Variants in ADAMTSL3 observed in about 807,000 individuals in gnomAD.
The protein encoded by ADAMTSL3 is ADAMTS-like protein 3.
In ADAMTSL3, 128 loss-of-function variants were observed where a neutral mutation model predicts 201.7. The ratio of observed to expected loss-of-function variants is 0.63; its 90% CI spans 0.55 to 0.73. The LOEUF (loss-of-function observed/expected upper bound fraction) is 0.73, where lower values mean the gene tolerates loss of function less well. Among genes scored for constraint, ADAMTSL3 ranks in the 30% least tolerant of loss-of-function variants. ADAMTSL3 has a pLI of 0.00. For synonymous variants in ADAMTSL3, 738 were observed against 748.4 expected (o/e 0.99, Z 0.23); for missense variants, 1,990 against 2,119.6 (o/e 0.94, Z 1.20).
intron 3 of ADAMTSL3, among the ~76,000 whole-genome samples, chr15:83,770,956 A>G (rs1325456100): frequency 6.6e-6 from 1 of 152,096 alleles, no homozygotes; most frequent in African/African-American, 2.4e-5. Context: ...AGTCCCAGCT[A>G]CTCAGGAGGC....
chr15:83,727,804 C>T (rs532671208), intron 3 of ADAMTSL3, among the ~76,000 whole-genome samples: 9 of 151,872 alleles, frequency 5.9e-5, no homozygotes, highest in East Asian at 3.9e-4. Flanking sequence ...TCCTTGAGAA[C>T]GAGCCATGTG....
intron 14 of ADAMTSL3, 99 bp from the exon 15 acceptor site, chr15:83,899,548 C>G: frequency 8.4e-7 from 1 of 1,193,392 alleles, no homozygotes. Context: ...AAAAACATGA[C>G]CTCTTTATAA....
intron 6 of ADAMTSL3, among the ~76,000 whole-genome samples, chr15:83,823,068 G>A (rs2063920453): frequency 1.3e-5 from 2 of 151,894 alleles, no homozygotes; most frequent in African/African-American, 2.4e-5. Context: ...GGCGGCGCGC[G>A]CCTGCAAATT....
intron 17 of ADAMTSL3, among the ~76,000 whole-genome samples, chr15:83,926,780 T>A (rs1010806541): frequency 6.6e-6 from 1 of 152,072 alleles, no homozygotes; most frequent in African/African-American, 2.4e-5. Context: ...CATGCCCAGA[T>A]AATTTTTTGT....
intron 4 of ADAMTSL3, among the ~76,000 whole-genome samples, chr15:83,796,834 C>T (rs974488409): frequency 5.3e-5 from 8 of 152,034 alleles, no homozygotes; most frequent in African/African-American, 1.9e-4. Context: ...ATACATGGTG[C>T]TCAGATATGA....
chr15:83,713,982 CG>C (rs1256152360), intron 3 of ADAMTSL3, among the ~76,000 whole-genome samples: 2 of 152,114 alleles, frequency 1.3e-5, no homozygotes, highest in African/African-American at 4.8e-5. Flanking sequence ...GGAGCTGAGA[CG>C]TGTTGAGGGC....
chr15:83,811,671 A>G (rs1050361983), intron 5 of ADAMTSL3, among the ~76,000 whole-genome samples: 2 of 152,172 alleles, frequency 1.3e-5, no homozygotes, highest in African/African-American at 2.4e-5. Flanking sequence ...AAATGTTTCT[A>G]GGTTGGTAAG....
intron 12 of ADAMTSL3, 105 bp downstream of exon 12, chr15:83,891,484 CT>C: frequency 1.1e-6 from 1 of 927,482 alleles, no homozygotes; most frequent in Non-Finnish European, 1.7e-6. Context: ...ATATTAAATA[CT>C]TTATAGAGCT....
intron 22 of ADAMTSL3, among the ~76,000 whole-genome samples, chr15:83,990,876 A>G (rs539258814): frequency 2.7e-4 from 41 of 152,180 alleles, no homozygotes; most frequent in African/African-American, 9.6e-4. Flanking sequence ...TCATCGAACC[A>G]TCTATCCATT....
rs115416839 is a variant in ADAMTSL3, at chr15:83,999,037, C to A, written c.3973+7823C>A. On this transcript the variant is annotated intron_variant, in intron 23 of 29. Transcript: ENST00000286744. ...TCTTGTCTCATAAAAAGTAACACAT[C>A]TCATTATAAAATATTTGGAAAGCAT... is the stretch of plus-strand genomic sequence containing the variant. Among the ~76,000 whole-genome samples, 693 of 152,288 alleles carry A rather than the reference C, an allele frequency of 4.6e-3. 5 individuals are homozygous for A. Among genetic ancestry groups the A allele is most frequent in the African/African-American group, 0.015 (637 of 41,562 alleles).
chr15:84,023,905 A>G (rs1249578563), intron 26 of ADAMTSL3, among the ~76,000 whole-genome samples: 1 of 152,216 alleles, frequency 6.6e-6, no homozygotes, highest in African/African-American at 2.4e-5. Context: ...AATAAAATAC[A>G]TTTGATTACA....
chr15:83,710,959 A>C (rs1006756971), intron 3 of ADAMTSL3, among the ~76,000 whole-genome samples: 1 of 152,220 alleles, frequency 6.6e-6, no homozygotes, highest in Admixed American at 6.5e-5. Flanking sequence ...ACATTTTTAC[A>C]TCTAATCTGT....
chr15:83,847,247 TC>T (rs1420801597), intron 7 of ADAMTSL3, among the ~76,000 whole-genome samples: 2 of 152,200 alleles, frequency 1.3e-5, no homozygotes, highest in Non-Finnish European at 2.9e-5. Flanking sequence ...GCTGTTAATT[TC>T]CTACATTTGC....
chr15:83,681,651 G>T lies in ADAMTSL3; in HGVS notation c.70-22738G>T, dbSNP rs141729715. 2.3e-3 allele frequency among the ~76,000 whole-genome samples: 356 copies of T among 152,260 alleles called. 1 individual carries two copies. The highest frequency in any genetic ancestry group is 4.4e-3 in the Non-Finnish European group (301 of 68,006). Reference sequence around the variant, plus strand: ...AATAGTTTGAATAGCACTCTAAAAGGGCTGGCTGTGGAAGCTGGGGTCATG... The same window carrying T: ...AATAGTTTGAATAGCACTCTAAAAGTGCTGGCTGTGGAAGCTGGGGTCATG... On this transcript the variant is annotated intron_variant, in intron 2 of 29. Transcript: ENST00000286744.
intron 2 of ADAMTSL3, among the ~76,000 whole-genome samples, chr15:83,698,168 G>C (rs1285590279): frequency 6.6e-6 from 1 of 152,102 alleles, no homozygotes; most frequent in African/African-American, 2.4e-5. Context: ...TTAGTCAGAG[G>C]CCACATATAT....
intron 2 of ADAMTSL3, among the ~76,000 whole-genome samples, chr15:83,668,437 A>C (rs1458302575): frequency 1.3e-5 from 2 of 150,276 alleles, no homozygotes; most frequent in African/African-American, 4.9e-5. Flanking sequence ...TTTCTTCCTT[A>C]TTCTGAAGTG....
At chr15:83,730,756 C>T (rs1437907418) in intron 3 of ADAMTSL3, among the ~76,000 whole-genome samples, 1 of 151,854 alleles carries the variant, frequency 6.6e-6, no homozygotes, top group Non-Finnish European at 1.5e-5. Flanking sequence ...GTTTTCTTTG[C>T]CATGCAGAAG....
chr15:83,880,726 A>G (rs1021373187), intron 9 of ADAMTSL3, among the ~76,000 whole-genome samples: 1 of 152,202 alleles, frequency 6.6e-6, no homozygotes, highest in Non-Finnish European at 1.5e-5. Context: ...CCCGAGGCAA[A>G]GTGTTCCAAT....
intron 16 of ADAMTSL3, among the ~76,000 whole-genome samples, chr15:83,917,614 C>T (rs1465786444): frequency 6.6e-6 from 1 of 152,138 alleles, no homozygotes; most frequent in African/African-American, 2.4e-5. Context: ...ACATTCCTTA[C>T]CGAAGTTCTT....
Sources: allele counts gnomAD v4.1 joint callset (sites outside exome capture counted in the v4.1 genomes callset), GRCh38; gene constraint gnomAD v4.1.1; transcripts MANE v1.5; gene names NCBI Gene and HGNC (gene_info 2026-07-23, HGNC 2026-07-21).